The following NADSYN1 variants were observed in gnomAD, a reference collection of about 807,000 sequenced individuals.
NADSYN1 encodes the protein glutamine-dependent NAD(+) synthetase.
In NADSYN1, 80 loss-of-function variants were observed where a neutral mutation model predicts 99.3. The observed-to-expected ratio is 0.81, with a 90% CI of 0.67 to 0.97. NADSYN1 has a LOEUF of 0.97. Ranked by LOEUF, NADSYN1 falls within the 50% of genes least tolerant of loss-of-function variation. The pLI is 0.00. For missense variants in NADSYN1, 859 were observed against 948.5 expected, an observed-to-expected ratio of 0.91 and a Z score of 1.24; for synonymous variants, 385 against 372.1, an observed-to-expected ratio of 1.03 and a Z score of -0.40.
chr11:71,490,172 C>T (rs1017764487), intron 16 of NADSYN1, among the ~76,000 whole-genome samples: 3 of 152,176 alleles, frequency 2.0e-5, no homozygotes, highest in Admixed American at 6.5e-5. Flanking sequence ...TCTGGAGTCC[C>T]GCCTTCTTTG....
Position 71,501,737 on chromosome 11 carries a change from C to T in NADSYN1, c.*385C>T, listed in dbSNP as rs1229202227. ...GAGCAGAAAATGAAGGAGAGAAGACCTTCTCTCCCACCCACACACACCTTC... is the reference window on the plus strand; with the variant it reads ...GAGCAGAAAATGAAGGAGAGAAGACTTTCTCTCCCACCCACACACACCTTC... On this transcript the variant is annotated 3_prime_UTR_variant, in exon 21 of 21. Coordinates refer to ENST00000319023, the MANE Select transcript of NADSYN1 (RefSeq NM_018161.5). 8.6e-6 allele frequency: 2 copies of T among 232,166 alleles called. No individual in the cohort carries two copies. Among genetic ancestry groups the T allele is most frequent in the Non-Finnish European group, 1.7e-5 (2 of 116,774 alleles). The allele number at this position is 232,166 out of a possible 1,614,324, so 14.4% of individuals were successfully genotyped here. A position where few individuals can be genotyped will look rare whatever the true frequency, so the allele number is the denominator to read the frequency against.
At chr11:71,483,112 A>C in intron 14 of NADSYN1, 95 bp downstream of exon 14, 1 of 1,452,076 alleles carries the variant, frequency 6.9e-7, no homozygotes, top group Non-Finnish European at 9.5e-7. Context: ...GACTGGCTTC[A>C]TTCATTCCGC....
chr11:71,491,620 G>A (rs1489540188), intron 17 of NADSYN1, among the ~76,000 whole-genome samples: 1 of 152,154 alleles, frequency 6.6e-6, no homozygotes, highest in Non-Finnish European at 1.5e-5. Flanking sequence ...TCTCCTCCTG[G>A]GGTCGTGAGG....
At chr11:71,466,245 C>T (rs550982999) in intron 5 of NADSYN1, among the ~76,000 whole-genome samples, 9 of 152,244 alleles carry the variant, frequency 5.9e-5, no homozygotes, top group East Asian at 5.8e-4. Flanking sequence ...AAAAAAAAAG[C>T]GCCATCTTTT....
rs553350916 is a variant in NADSYN1, at chr11:71,489,114, T to C, written c.1563-1731T>C. ...CTGCAGGGTTAAGTTGGGGTCAGCA[T>C]GGGAATGCAGAGCTGAGAGGCTGTG... is the stretch of plus-strand genomic sequence containing the variant. On this transcript the variant is annotated intron_variant, in intron 16 of 20. Coordinates refer to ENST00000319023, the MANE Select transcript of NADSYN1 (RefSeq NM_018161.5). Among the ~76,000 whole-genome samples, 3 of 151,930 alleles carry C rather than the reference T, an allele frequency of 2.0e-5. No individual in the cohort carries two copies. The South Asian group carries it at 6.2e-4, about 32-fold the overall frequency.
chr11:71,489,732 G>A (rs1236334415), intron 16 of NADSYN1, among the ~76,000 whole-genome samples: 2 of 152,200 alleles, frequency 1.3e-5, no homozygotes, highest in East Asian at 1.9e-4. Flanking sequence ...TTACACCCCC[G>A]ACATTGCACC....
intron 3 of NADSYN1, among the ~76,000 whole-genome samples, chr11:71,461,200 C>T (rs983200231): frequency 2.0e-5 from 3 of 152,082 alleles, no homozygotes; most frequent in African/African-American, 4.8e-5. Flanking sequence ...GTAGTGAAAG[C>T]GCCGCCCTGA....
Position 71,477,838 on chromosome 11 carries a change from G to T in NADSYN1, c.799-557G>T, listed in dbSNP as rs537211829. ...TGCTTCTCCAGCTCCGCCCTCCTCTGTGTTGGCCTGTCTCAGATTGCCTCT... is the reference window on the plus strand; with the variant it reads ...TGCTTCTCCAGCTCCGCCCTCCTCTTTGTTGGCCTGTCTCAGATTGCCTCT... On this transcript the variant is annotated intron_variant, in intron 9 of 20. Coordinates refer to ENST00000319023, the MANE Select transcript of NADSYN1 (RefSeq NM_018161.5). Among the ~76,000 whole-genome samples the T allele has an allele frequency of 8.5e-5, 13 of 152,328 alleles. No homozygotes were observed. The East Asian group carries it at 1.3e-3, about 16-fold the overall frequency.
At chr11:71,485,690 C>T (rs1367528760) in intron 16 of NADSYN1, 42 bp downstream of exon 16, 3 of 1,409,794 alleles carry the variant, frequency 2.1e-6, no homozygotes, top group South Asian at 1.3e-5. Context: ...GCCCCTGAAC[C>T]TCTCAGGTCT....
intron 5 of NADSYN1, among the ~76,000 whole-genome samples, chr11:71,469,595 C>T (rs1949613944): frequency 6.6e-6 from 1 of 152,230 alleles, no homozygotes; most frequent in African/African-American, 2.4e-5. Context: ...GGCTAGTTAT[C>T]TGCAGCAGGA....
At chr11:71,460,844 C>G (rs996556862) in intron 3 of NADSYN1, 6 of 152,142 alleles carry the variant, frequency 3.9e-5, no homozygotes, top group Admixed American at 2.0e-4. Flanking sequence ...GAGTTGGGTC[C>G]CCGCCCTCTG....
chr11:71,500,389 G>A (rs1591139197), intron 20 of NADSYN1, among the ~76,000 whole-genome samples: 1 of 135,628 alleles, frequency 7.4e-6, no homozygotes, highest in South Asian at 2.3e-4. Context: ...TTGACCCCCC[G>A]AGGAGACATT....
At position 71,482,920 on chromosome 11, in the gene NADSYN1, C is replaced by T. The variant is rs1949719027; in HGVS notation, c.1222C>T (p.Leu408Phe). 1 of 1,613,266 alleles carries T rather than the reference C, an allele frequency of 6.2e-7. No individual in the cohort carries two copies. The highest frequency in any genetic ancestry group is 8.5e-7 in the Non-Finnish European group (1 of 1,179,660). ...ISYTPQDPRD[L>F]CGRILTTCYM... The stretch of plus-strand genomic sequence containing the variant: ...CTACACCCCCCAGGATCCCCGAGAC[C>T]TCTGTGGACGCATACTGACCACCTG... Residue 408 changes from leucine to phenylalanine, a missense_variant, in exon 14 of 21, where the codon CTC becomes TTC. Transcript: ENST00000319023.
chr11:71,453,435 C>G (rs1393735027), intron 1 of NADSYN1, 54 bp downstream of exon 1: 10 of 1,501,760 alleles, frequency 6.7e-6, no homozygotes, highest in Non-Finnish European at 9.2e-6. Context: ...GGCACCGTGG[C>G]TGGGCCCAGG....
intron 2 of NADSYN1, among the ~76,000 whole-genome samples, chr11:71,456,430 C>T (rs1360644651): frequency 2.0e-5 from 3 of 152,240 alleles, no homozygotes; most frequent in Non-Finnish European, 2.9e-5. Flanking sequence ...GTGGCCGGAT[C>T]TTCTCCTGGG....
intron 3 of NADSYN1, 60 bp from the exon 4 acceptor site, chr11:71,463,372 C>G: frequency 6.9e-7 from 1 of 1,455,918 alleles, no homozygotes; most frequent in Non-Finnish European, 9.7e-7. Context: ...GCCGCTGCCT[C>G]CATGTGCTCT....
intron 16 of NADSYN1, among the ~76,000 whole-genome samples, chr11:71,489,774 G>A (rs1164835062): frequency 6.6e-6 from 1 of 152,206 alleles, no homozygotes; most frequent in Non-Finnish European, 1.5e-5. Context: ...GAGAAGGCAC[G>A]GAGGTGTGAG....
rs535633518 is a variant in NADSYN1 at position 71,486,875 on chromosome 11, G to A, written c.1562+1227G>A. Among the ~76,000 whole-genome samples, 13 of 132,860 alleles carry A rather than the reference G, an allele frequency of 9.8e-5. No individual in the cohort carries two copies. The South Asian group carries it at 1.0e-3, about 10-fold the overall frequency. 87.2% of individuals were successfully genotyped at this position (132,860 alleles called of 152,430 possible). On this transcript the variant is annotated intron_variant, in intron 16 of 20. Transcript: ENST00000319023. Reference sequence around the variant, plus strand: ...GGCTGGAGTGCAGTGGCGCGATCTCGGCTCACTGCAAGTTCCGCCTCCCGG... The same window carrying A: ...GGCTGGAGTGCAGTGGCGCGATCTCAGCTCACTGCAAGTTCCGCCTCCCGG...
At chr11:71,491,047 G>A (rs1949775502) in intron 17 of NADSYN1, 71 bp downstream of exon 17, 57 of 1,592,654 alleles carry the variant, frequency 3.6e-5, no homozygotes, top group Non-Finnish European at 4.8e-5. Flanking sequence ...GGCCACCCTG[G>A]CCCACACTCA....
Sources: allele counts gnomAD v4.1 joint callset (sites outside exome capture counted in the v4.1 genomes callset), GRCh38; gene constraint gnomAD v4.1.1; transcripts MANE v1.5; gene names NCBI Gene and HGNC (gene_info 2026-07-23, HGNC 2026-07-21).